The following DLC1 variants were observed in gnomAD, a reference collection of about 807,000 sequenced individuals.
DLC1 encodes the protein rho GTPase-activating protein 7.
A neutral mutation model predicts 140.3 loss-of-function variants in DLC1; 54 were observed. The ratio of observed to expected loss-of-function variants is 0.38; its 90% CI spans 0.31 to 0.48. The LOEUF is 0.48. Ranked by LOEUF, DLC1 falls within the 20% of genes least tolerant of loss-of-function variation. DLC1 has a pLI of 0.96. For synonymous variants in DLC1, 986 were observed against 728.1 expected (o/e 1.35, Z -5.70); for missense variants, 2,536 against 1,907.0 (o/e 1.33, Z -6.14).
intron 5 of DLC1, among the ~76,000 whole-genome samples, chr8:13,290,149 G>A (rs1271753705): frequency 1.3e-5 from 2 of 152,094 alleles, no homozygotes; most frequent in Non-Finnish European, 2.9e-5. Flanking sequence ...GGTAGTCATC[G>A]AGTGCCATGA....
At chr8:13,390,640 C>G (rs901254010) in intron 4 of DLC1, among the ~76,000 whole-genome samples, 1 of 152,132 alleles carries the variant, frequency 6.6e-6, no homozygotes, top group South Asian at 2.1e-4. Flanking sequence ...CCATGGCACA[C>G]GTATGCATAC....
intron 3 of DLC1, among the ~76,000 whole-genome samples, chr8:13,400,516 G>A (rs537661754): frequency 1.3e-5 from 2 of 152,112 alleles, no homozygotes; most frequent in South Asian, 4.2e-4. Context: ...TATTTACAGA[G>A]CTAACAATTG....
Position 13,499,317 on chromosome 8 carries a change from A to G in DLC1, c.755T>C (p.Val252Ala), listed in dbSNP as rs1801666602. 1 of 1,614,086 alleles carries G rather than the reference A, an allele frequency of 6.2e-7. No individual in the cohort carries two copies. Among genetic ancestry groups the G allele is most frequent in the African/African-American group, 1.3e-5 (1 of 75,038 alleles). ...KDENERSTCN[V>A]VQNEFLDTPC... Reference sequence around the variant, plus strand: ...AGTATCCAAGAACTCATTTTGTACTACATTGCAGGTGCTTCTTTCATTTTC... The same window carrying G: ...AGTATCCAAGAACTCATTTTGTACTGCATTGCAGGTGCTTCTTTCATTTTC... The change falls in exon 2 of 18, where the codon GTA (valine) becomes GCA (alanine). Residue 252 changes from valine to alanine, a missense_variant. Coordinates refer to ENST00000276297, the MANE Select transcript of DLC1 (RefSeq NM_182643.3).
At chr8:13,495,792 T>A (rs911630964) in intron 2 of DLC1, among the ~76,000 whole-genome samples, 1 of 152,180 alleles carries the variant, frequency 6.6e-6, no homozygotes, top group African/African-American at 2.4e-5. Context: ...GAAGGATAAT[T>A]TTTATTAAAA....
chr8:13,442,776 C>G (rs1563350086), intron 2 of DLC1, among the ~76,000 whole-genome samples: 1 of 152,196 alleles, frequency 6.6e-6, no homozygotes, highest in Non-Finnish European at 1.5e-5. Context: ...CTAGTTCAAC[C>G]ATTGTGGAAG....
At chr8:13,146,571 G>C (rs947750323) in intron 5 of DLC1, among the ~76,000 whole-genome samples, 1 of 151,662 alleles carries the variant, frequency 6.6e-6, no homozygotes, top group Non-Finnish European at 1.5e-5. Context: ...ATAGTAATTT[G>C]ATCTGTAAAG....
intron 2 of DLC1, among the ~76,000 whole-genome samples, chr8:13,496,039 T>A (rs1801484505): frequency 1.3e-5 from 2 of 152,246 alleles, no homozygotes; most frequent in African/African-American, 2.4e-5. Flanking sequence ...CAAGTTCTTA[T>A]CTTACGGGTA....
intron 5 of DLC1, chr8:13,214,601 A>G: frequency 1.4e-6 from 1 of 721,492 alleles, no homozygotes; most frequent in Admixed American, 2.0e-5. Flanking sequence ...ATTGGAGTGC[A>G]GTGTTCTGCC....
intron 5 of DLC1, among the ~76,000 whole-genome samples, chr8:13,170,484 A>G (rs537558512): frequency 6.6e-6 from 1 of 152,276 alleles, no homozygotes; most frequent in East Asian, 1.9e-4. Flanking sequence ...TAATCCCAGC[A>G]CTTTGCGGGG....
At chr8:13,303,407 G>A (rs1358461467) in intron 5 of DLC1, among the ~76,000 whole-genome samples, 5 of 152,080 alleles carry the variant, frequency 3.3e-5, no homozygotes, top group Admixed American at 6.6e-5. Context: ...AGGGACAGTT[G>A]ATTTCATTAA....
chr8:13,296,962 G>A (rs537520401), intron 5 of DLC1, among the ~76,000 whole-genome samples: 1 of 152,054 alleles, frequency 6.6e-6, no homozygotes, highest in Admixed American at 6.6e-5. Flanking sequence ...ATTGGTTCTG[G>A]TAATACAGTA....
chr8:13,203,972 C>A (rs1164076261), intron 5 of DLC1, among the ~76,000 whole-genome samples: 1 of 152,160 alleles, frequency 6.6e-6, no homozygotes, highest in African/African-American at 2.4e-5. Flanking sequence ...GCACAGACTT[C>A]ATAGCATTAG....
At chr8:13,180,540 A>G (rs1422521188) in intron 5 of DLC1, among the ~76,000 whole-genome samples, 1 of 152,186 alleles carries the variant, frequency 6.6e-6, no homozygotes, top group Non-Finnish European at 1.5e-5. Context: ...ACAATAGACC[A>G]TGGGTAGAAA....
intron 2 of DLC1, among the ~76,000 whole-genome samples, chr8:13,480,807 G>A (rs898687570): frequency 6.6e-6 from 1 of 152,156 alleles, no homozygotes; most frequent in African/African-American, 2.4e-5. Context: ...GGGAGGCTGA[G>A]GCAGGAGAAT....
intron 4 of DLC1, among the ~76,000 whole-genome samples, chr8:13,324,711 ATAAAATT>A (rs1346499188): frequency 1.3e-5 from 2 of 152,150 alleles, no homozygotes; most frequent in Non-Finnish European, 1.5e-5. Context: ...CTTATGAAAT[ATAAAATT>A]TAAGTTACTT....
At chr8:13,329,947 T>G (rs1410383169) in intron 4 of DLC1, among the ~76,000 whole-genome samples, 1 of 152,128 alleles carries the variant, frequency 6.6e-6, no homozygotes, top group Non-Finnish European at 1.5e-5. Flanking sequence ...TGCTTCATTA[T>G]CCAGTGTTTA....
chr8:13,553,081 C>T (rs1331325818), intron 1 of DLC1, among the ~76,000 whole-genome samples: 1 of 150,880 alleles, frequency 6.6e-6, no homozygotes, highest in African/African-American at 2.4e-5. Flanking sequence ...TAGTTATCAA[C>T]ACACAGAGAC....
chr8:13,185,681 C>T (rs1418351518), intron 5 of DLC1, among the ~76,000 whole-genome samples: 1 of 152,076 alleles, frequency 6.6e-6, no homozygotes, highest in Admixed American at 6.6e-5. Context: ...GAACTTGATC[C>T]TGTCATTATG....
intron 5 of DLC1, among the ~76,000 whole-genome samples, chr8:13,124,855 ATTC>A (rs945277133): frequency 3.9e-5 from 6 of 152,136 alleles, no homozygotes; most frequent in Non-Finnish European, 8.8e-5. Flanking sequence ...ACATGGAAAC[ATTC>A]TTCTTCCCTC....
Sources: gnomAD v4.1 joint callset for allele counts (sites outside exome capture counted in the v4.1 genomes callset) on GRCh38, gnomAD v4.1.1 for gene constraint, MANE v1.5 for transcripts, NCBI Gene and HGNC (gene_info 2026-07-23, HGNC 2026-07-21) for gene names.